Variants in NFYA observed in about 807,000 individuals in gnomAD.
NFYA encodes the protein nuclear transcription factor Y subunit alpha.
A neutral mutation model predicts 52.8 loss-of-function variants in NFYA; 28 were observed. The observed-to-expected ratio is 0.53, with a 90% CI of 0.39 to 0.73. NFYA has a LOEUF of 0.73. NFYA is among the 30% of genes least tolerant of loss of function. NFYA has a pLI of 0.00. For missense variants in NFYA, 234 were observed against 427.0 expected, an observed-to-expected ratio of 0.55 and a Z score of 3.98; for synonymous variants, 150 against 150.7, an observed-to-expected ratio of 1.00 and a Z score of 0.03.
intron 1 of NFYA, among the ~76,000 whole-genome samples, chr6:41,078,149 T>A (rs1429732441): frequency 6.6e-6 from 1 of 152,196 alleles, no homozygotes; most frequent in African/African-American, 2.4e-5. Context: ...CATTCATCCA[T>A]TTTTTGATGC....
chr6:41,097,479 C>G lies in NFYA; in HGVS notation c.*69C>G. 3 of 1,494,716 alleles carry G rather than the reference C, an allele frequency of 2.0e-6. No homozygotes were observed. Among genetic ancestry groups the G allele is most frequent in the Non-Finnish European group, 2.8e-6 (3 of 1,073,480 alleles). The allele number at this position is 1,494,716 out of a possible 1,614,324, so 92.6% of individuals were successfully genotyped here. A position where few individuals can be genotyped will look rare whatever the true frequency, so the allele number is the denominator to read the frequency against. ...TGTTCCAGGAAATTGATCAACTCTT[C>G]CAATGGGACATTGATGATCACATTC... On this transcript the variant is annotated 3_prime_UTR_variant, in exon 10 of 10. Transcript: ENST00000341376.
At chr6:41,074,289 T>C (rs1308029262) in intron 1 of NFYA, among the ~76,000 whole-genome samples, 1 of 152,250 alleles carries the variant, frequency 6.6e-6, no homozygotes, top group East Asian at 1.9e-4. Flanking sequence ...GAGAGGTTGC[T>C]GTTGGCAACC....
chr6:41,088,865 G>A (rs1764118671), intron 4 of NFYA, among the ~76,000 whole-genome samples: 1 of 152,088 alleles, frequency 6.6e-6, no homozygotes, highest in Non-Finnish European at 1.5e-5. Flanking sequence ...ATGGGCATAA[G>A]CCATTGTACC....
intron 6 of NFYA, among the ~76,000 whole-genome samples, chr6:41,091,032 G>A (rs1334946076): frequency 6.6e-6 from 1 of 152,204 alleles, no homozygotes; most frequent in Non-Finnish European, 1.5e-5. Flanking sequence ...TTGAGCCCAG[G>A]CAAGAGCTCA....
chr6:41,080,907 T>C lies in NFYA; in HGVS notation c.162+10T>C. 1 of 1,606,956 alleles carries C rather than the reference T, an allele frequency of 6.2e-7. No individual in the cohort carries two copies. Among genetic ancestry groups the C allele is most frequent in the South Asian group, 1.1e-5 (1 of 90,882 alleles). The stretch of plus-strand genomic sequence containing the variant: ...CCAGACCCTCCAGGTAGTGGTACCC[T>C]CTCTGATTCTCTGTGAGCACTGCAT... On this transcript the variant is annotated intron_variant, in intron 3 of 9. Transcript: ENST00000341376.
chr6:41,090,308 A>G lies in NFYA; in HGVS notation c.546A>G (p.Gln182=), dbSNP rs758493832. The G allele has an allele frequency of 6.2e-7, 1 of 1,610,788 alleles. No homozygotes were observed. The highest frequency in any genetic ancestry group is 1.1e-5 in the South Asian group (1 of 91,000). ...PVNADGTILQ[Q]VTVPVSGMIT... is the part of the protein sequence containing the mutation. Reference sequence around the variant, plus strand: ...ATGCAGATGGCACCATTCTCCAGCAAGGTAAGTGTACCCATAAGCTTCCCT... The same window carrying G: ...ATGCAGATGGCACCATTCTCCAGCAGGGTAAGTGTACCCATAAGCTTCCCT... Residue 182 remains glutamine (Q), a splice_region_variant and synonymous_variant, in exon 6 of 10, where the codon CAA becomes CAG. Coordinates refer to ENST00000341376, the MANE Select transcript of NFYA (RefSeq NM_002505.5).
At chr6:41,088,315 C>G (rs1158766885) in intron 4 of NFYA, among the ~76,000 whole-genome samples, 2 of 145,498 alleles carry the variant, frequency 1.4e-5, no homozygotes, top group African/African-American at 5.2e-5. Context: ...CCCAGCTACT[C>G]GGGAGGCTGA....
At chr6:41,095,087 T>C (rs1446304841) in intron 9 of NFYA, among the ~76,000 whole-genome samples, 5 of 152,204 alleles carry the variant, frequency 3.3e-5, no homozygotes. Flanking sequence ...TGTTCCCCTC[T>C]AGCCTACTCT....
At position 41,084,123 on chromosome 6, in the gene NFYA, G is replaced by C; in HGVS notation, c.240G>C (p.Gln80His). The C allele has an allele frequency of 1.2e-6, 2 of 1,614,172 alleles. No individual in the cohort carries two copies. Among genetic ancestry groups the C allele is most frequent in the Non-Finnish European group, 1.7e-6 (2 of 1,180,024 alleles). ...ITSTGQPIMV[Q>H]AVPGGQGQTI... is the part of the protein sequence containing the mutation. The stretch of plus-strand genomic sequence containing the variant: ...CAACTGGCCAACCCATCATGGTCCA[G>C]GCTGTCCCTGGTGGACAAGGTCAAA... The change falls in exon 4 of 10, where the codon CAG becomes CAC. Residue 80 changes from glutamine (Q) to histidine (H), a missense_variant. By Grantham distance (24) the Gln-to-His change is conservative (BLOSUM62 0). Coordinates refer to ENST00000341376, the MANE Select transcript of NFYA (RefSeq NM_002505.5).
chr6:41,088,295 CG>C (rs1326892546), intron 4 of NFYA, among the ~76,000 whole-genome samples: 1 of 151,514 alleles, frequency 6.6e-6, no homozygotes, highest in Non-Finnish European at 1.5e-5. Context: ...TGATGGCGGA[CG>C]CCTGTAGTCC....
chr6:41,080,895 G>A lies in NFYA; in HGVS notation c.160G>A (p.Val54Ile), dbSNP rs1395345673. 10 of 1,613,180 alleles carry A rather than the reference G, an allele frequency of 6.2e-6. No homozygotes were observed. The change falls in exon 3 of 10, where the codon GTA (valine) becomes ATA (isoleucine). Residue 54 changes from valine to isoleucine, a missense_variant and splice_region_variant. This residue lies in a region of NFYA where 118 missense variants were observed against 182.4 expected (regional missense o/e 0.65). Transcript: ENST00000341376. ...AGGCCAGCAAGTCCAGACCCTCCAGGTAGTGGTACCCTCTCTGATTCTCTG... is the reference window on the plus strand; with the variant it reads ...AGGCCAGCAAGTCCAGACCCTCCAGATAGTGGTACCCTCTCTGATTCTCTG... ...ASGQQVQTLQVVQGQPLMVQV... is the reference protein window; with the variant it reads ...ASGQQVQTLQIVQGQPLMVQV...
intron 4 of NFYA, among the ~76,000 whole-genome samples, chr6:41,084,472 GAAAC>G (rs950571445): frequency 6.6e-6 from 1 of 152,030 alleles, no homozygotes; most frequent in African/African-American, 2.4e-5. Context: ...TATTTTAAAA[GAAAC>G]AAAAATGAGT....
In NFYA at chr6:41,100,167, T is replaced by C. The variant is rs1410429971; in HGVS notation, c.*2757T>C. Among the ~76,000 whole-genome samples the C allele has an allele frequency of 6.6e-6, 1 of 152,146 alleles. No individual in the cohort carries two copies. Among genetic ancestry groups the C allele is most frequent in the African/African-American group, 2.4e-5 (1 of 41,424 alleles). ...TTCCCTTTTGGCCCTTCCACCCTGT[T>C]GAGGAGATTTTTTCTGTCACCTGCA... On this transcript the variant is annotated 3_prime_UTR_variant, in exon 10 of 10. Coordinates refer to ENST00000341376, the MANE Select transcript of NFYA (RefSeq NM_002505.5).
Position 41,073,057 on chromosome 6 carries a change from G to C in NFYA, c.-89G>C, listed in dbSNP as rs1171769995. On this transcript the variant is annotated 5_prime_UTR_variant, in exon 1 of 10. Coordinates refer to ENST00000341376, the MANE Select transcript of NFYA (RefSeq NM_002505.5). ...GTCCGGTACTGGAGCCAATCAGCGC[G>C]GGCAGCGAACCGGGGGAGCGAGGCA... The C allele has an allele frequency of 1.9e-5, 3 of 153,902 alleles. No individual in the cohort carries two copies. The highest frequency in any genetic ancestry group is 6.5e-5 in the Admixed American group (1 of 15,298). 9.5% of individuals were successfully genotyped at this position (153,902 alleles called of 1,614,324 possible).
At position 41,091,612 on chromosome 6, in the gene NFYA, A is replaced by G; in HGVS notation, c.632A>G (p.Asn211Ser). Residue 211 changes from asparagine to serine, a missense_variant, in exon 7 of 10, where the codon AAC (asparagine) becomes AGC (serine). Physicochemically the swap from Asn to Ser is conservative, Grantham distance 46. Transcript: ENST00000341376. ...AQIVQTGANT[N>S]TTSSGQGTVT... ...ATTGTTCAAACAGGAGCCAATACCA[A>G]CACAACCAGCAGTGGGCAAGGGACT... 6 of 1,614,210 alleles carry G rather than the reference A, an allele frequency of 3.7e-6. No individual in the cohort carries two copies. Among genetic ancestry groups the G allele is most frequent in the Non-Finnish European group, 5.1e-6 (6 of 1,180,030 alleles).
chr6:41,085,913 T>G (rs1764031862), intron 4 of NFYA, among the ~76,000 whole-genome samples: 1 of 152,174 alleles, frequency 6.6e-6, no homozygotes, highest in African/African-American at 2.4e-5. Flanking sequence ...GATAATTTCT[T>G]TGGATTGGGG....
intron 4 of NFYA, 53 bp from the exon 5 acceptor site, chr6:41,089,526 A>G: frequency 6.7e-7 from 1 of 1,496,012 alleles, no homozygotes; most frequent in Non-Finnish European, 8.9e-7. Context: ...TCGGGGACCA[A>G]AGGAGACCAG....
At chr6:41,079,239 G>T (rs186811669) in intron 2 of NFYA, 75 bp downstream of exon 2, 38 of 1,370,016 alleles carry the variant, frequency 2.8e-5, no homozygotes, top group Non-Finnish European at 1.0e-6. Flanking sequence ...TTGGTCTATT[G>T]CCCTGGGGAA....
Position 41,101,193 on chromosome 6 carries a change from C to G in NFYA, c.*3783C>G, listed in dbSNP as rs961861134. 1 of 152,276 alleles carries G rather than the reference C, an allele frequency of 6.6e-6. No individual in the cohort carries two copies. The highest frequency in any genetic ancestry group is 6.5e-5 in the Admixed American group (1 of 15,284). The allele number at this position is 152,276 out of a possible 1,614,324, so 9.4% of individuals were successfully genotyped here. On this transcript the variant is annotated 3_prime_UTR_variant, in exon 10 of 10. Coordinates refer to ENST00000341376, the MANE Select transcript of NFYA (RefSeq NM_002505.5). ...CCATGTGACGGGTGAGGGCGACGGC[C>G]GGCACTTGCACTTAAGTCTCCTGGC... is the stretch of plus-strand genomic sequence containing the variant.
Sources: gnomAD v4.1 joint callset for allele counts (sites outside exome capture counted in the v4.1 genomes callset) on GRCh38, gnomAD v4.1.1 for gene constraint, gnomAD v4.1.1 regional missense constraint, MANE v1.5 for transcripts, NCBI Gene and HGNC (gene_info 2026-07-23, HGNC 2026-07-21) for gene names.